Variants in ATG9B observed in about 807,000 individuals in gnomAD.
The protein encoded by ATG9B is autophagy-related protein 9B.
ATG9B carries 92 observed loss-of-function variants against 92.9 expected under a neutral mutation model. That is an observed-to-expected ratio of 0.99 (90% confidence interval 0.84 to 1.18). The LOEUF is 1.18. Ranked by LOEUF, ATG9B falls within the 50% of genes most tolerant of loss-of-function variation. ATG9B has a pLI of 0.00. For missense variants in ATG9B, 1,344 were observed against 1,235.0 expected, an observed-to-expected ratio of 1.09 and a Z score of -1.32; for synonymous variants, 599 against 551.4, an observed-to-expected ratio of 1.09 and a Z score of -1.21.
Position 151,021,174 on chromosome 7 carries a change from G to C in ATG9B, c.963+14C>G. On this transcript the variant is annotated intron_variant, in intron 5 of 13. Transcript: ENST00000639579. ...TCACGGCACCCTCTGCACAGACACA[G>C]CCACCCAGCTCACCGGGGGGATGTG... 6.2e-7 allele frequency: 1 copy of C among 1,612,892 alleles called. No homozygotes were observed. The highest frequency in any genetic ancestry group is 1.1e-5 in the South Asian group (1 of 91,050).
At position 151,019,205 on chromosome 7, in the gene ATG9B, G is replaced by A. The variant is rs745654290; in HGVS notation, c.1133C>T (p.Pro378Leu). 2.6e-6 allele frequency: 4 copies of A among 1,539,118 alleles called. No individual in the cohort carries two copies. The highest frequency in any genetic ancestry group is 2.0e-5 in the Admixed American group (1 of 51,132). Residue 378 changes from proline to leucine, a missense_variant, in exon 6 of 14, where the codon CCG (proline) becomes CTG (leucine). By Grantham distance (98) the Pro-to-Leu change is moderately conservative. Transcript: ENST00000639579. Reference sequence around the variant, plus strand: ...TCCCCAGGGCAGCGGGCAGCGGGCCGGCAGCAGGCCTTTGTTGGCCAGCGC... The same window carrying A: ...TCCCCAGGGCAGCGGGCAGCGGGCCAGCAGCAGGCCTTTGTTGGCCAGCGC... ...QVALANKGLL[P>L]ARCPLPWGGS...
Position 151,019,204 on chromosome 7 carries a change from C to T in ATG9B, c.1134G>A (p.Pro378=), listed in dbSNP as rs957081320. 6 of 1,538,670 alleles carry T rather than the reference C, an allele frequency of 3.9e-6. No homozygotes were observed. The African/African-American group carries it at 4.1e-5, about 11-fold the overall frequency. ...CTCCCCAGGGCAGCGGGCAGCGGGC[C>T]GGCAGCAGGCCTTTGTTGGCCAGCG... The part of the protein sequence containing the change: ...QVALANKGLL[P]ARCPLPWGGS... The change falls in exon 6 of 14, where the codon CCG becomes CCA. Residue 378 remains proline, a synonymous_variant. Coordinates refer to ENST00000639579, the MANE Select transcript of ATG9B (RefSeq NM_001317056.2).
Position 151,018,316 on chromosome 7 carries a change from G to A in ATG9B, c.1850C>T (p.Ala617Val), listed in dbSNP as rs771973527. 14 of 1,580,806 alleles carry A rather than the reference G, an allele frequency of 8.9e-6. No individual in the cohort carries two copies. The Admixed American group carries it at 2.2e-4, about 24-fold the overall frequency. Residue 617 changes from alanine to valine, a missense_variant, in exon 7 of 14, where the codon GCG (alanine) becomes GTG (valine). Transcript: ENST00000639579. This position sits in a 1 kb window ranked among gnomAD's most constrained non-coding sequence, Gnocchi z 4.7. ...GGRDRAYRQMAQLLQYRAVSL... is the reference protein window; with the variant it reads ...GGRDRAYRQMVQLLQYRAVSL... Reference sequence around the variant, plus strand: ...CACCGCTCGGTACTGCAGCAGCTGCGCCATCTGCCGGTAGGCGCGGTCCCT... The same window carrying A: ...CACCGCTCGGTACTGCAGCAGCTGCACCATCTGCCGGTAGGCGCGGTCCCT...
At chr7:151,013,678 C>G (rs933657053), downstream of ATG9B, 32 of 1,451,742 alleles carry the variant, frequency 2.2e-5, no homozygotes, top group Non-Finnish European at 3.0e-5. Context: ...GCTGCGCCCC[C>G]GCGCCCACCC....
intron 4 of ATG9B, among the ~76,000 whole-genome samples, chr7:151,022,618 G>T (rs982237380): frequency 1.3e-5 from 2 of 151,928 alleles, no homozygotes; most frequent in Non-Finnish European, 2.9e-5. Flanking sequence ...GGAGGCCAAA[G>T]TGGGTGGATC....
At chr7:151,013,990 T>C (rs768570535), downstream of ATG9B, 44 of 1,610,884 alleles carry the variant, frequency 2.7e-5, no homozygotes, top group Non-Finnish European at 3.1e-5. Context: ...TCTGATCCAC[T>C]GTGCTCTTTT....
chr7:151,019,660 G>A (rs1052128124), intron 5 of ATG9B, among the ~76,000 whole-genome samples: 1 of 152,164 alleles, frequency 6.6e-6, no homozygotes, highest in Non-Finnish European at 1.5e-5. Flanking sequence ...TCCTGGGGAC[G>A]CCTCCAGGTG....
chr7:151,021,421 G>A (rs567899797), intron 4 of ATG9B, 92 bp from the exon 5 acceptor site: 540 of 1,462,228 alleles, frequency 3.7e-4, no homozygotes, highest in Non-Finnish European at 4.7e-4. Flanking sequence ...ACCATCATGA[G>A]GAGGGGGATC....
At chr7:151,013,729 C>T (rs138104564), downstream of ATG9B, 110 of 1,603,036 alleles carry the variant, frequency 6.9e-5, no homozygotes, top group East Asian at 7.4e-4. Context: ...CGCAGACCTA[C>T]GTGCAGGACA....
chr7:151,019,504 A>G (rs891015801), intron 5 of ATG9B, 130 bp from the exon 6 acceptor site: 1 of 1,235,740 alleles, frequency 8.1e-7, no homozygotes, highest in Non-Finnish European at 1.1e-6. Context: ...CGCCATGACC[A>G]AGCTACATCG....
chr7:151,018,245 GAC>G lies in ATG9B; in HGVS notation c.1872+47_1872+48del. ...TCCGCGCAGACAGACCCTCCGCGCA[GAC>G]AGACCCCACAACTTCCTCCTCAGCC... On this transcript the variant is annotated intron_variant, in intron 7 of 13. Coordinates refer to ENST00000639579, the MANE Select transcript of ATG9B (RefSeq NM_001317056.2). This position sits in a 1 kb window ranked among gnomAD's most constrained non-coding sequence, Gnocchi z 4.7. 1 of 1,509,640 alleles carries G rather than the reference GAC, an allele frequency of 6.6e-7. No individual in the cohort carries two copies. 93.5% of individuals were successfully genotyped at this position (1,509,640 alleles called of 1,614,324 possible).
At chr7:151,019,459 T>G in intron 5 of ATG9B, 85 bp from the exon 6 acceptor site, 1 of 1,451,460 alleles carries the variant, frequency 6.9e-7, no homozygotes, top group Non-Finnish European at 9.0e-7. Context: ...GTGTGCGGCC[T>G]GAAAACCCGC....
chr7:151,013,429 G>A, downstream of ATG9B: 9 of 1,567,370 alleles, frequency 5.7e-6, no homozygotes, highest in Non-Finnish European at 7.8e-6. Context: ...GGAGAGAGGG[G>A]AGGACTCGCG....
Position 151,018,915 on chromosome 7 carries a change from C to T in ATG9B, c.1423G>A (p.Ala475Thr), listed in dbSNP as rs1795635044. The stretch of plus-strand genomic sequence containing the variant: ...CGGGACCAGCCGCGCGCCCCCAGCG[C>T]GCCAGGCTCGCGCCGCAGCAGCTCC... ...HVELLRREPG[A>T]LGARGWSRLA... is the part of the protein sequence containing the mutation. The change falls in exon 6 of 14, where the codon GCG (alanine) becomes ACG (threonine). Residue 475 changes from alanine (A) to threonine (T), a missense_variant. Transcript: ENST00000639579. This position sits in a 1 kb window ranked among gnomAD's most constrained non-coding sequence, Gnocchi z 4.7. 1 of 1,507,732 alleles carries T rather than the reference C, an allele frequency of 6.6e-7. No individual in the cohort carries two copies. Among genetic ancestry groups the T allele is most frequent in the Non-Finnish European group, 8.8e-7 (1 of 1,136,570 alleles). 93.4% of individuals were successfully genotyped at this position (1,507,732 alleles called of 1,614,324 possible). A position where few individuals can be genotyped will look rare whatever the true frequency, so the allele number is the denominator to read the frequency against.
At chr7:151,017,659 G>T (rs1077872) in intron 8 of ATG9B, among the ~76,000 whole-genome samples, 5 of 152,058 alleles carry the variant, frequency 3.3e-5, no homozygotes, top group African/African-American at 1.2e-4. Context: ...TAATCTGTGT[G>T]TTCACAAGCC....
chr7:151,013,930 C>G, downstream of ATG9B: 1 of 1,596,892 alleles, frequency 6.3e-7, no homozygotes, highest in Non-Finnish European at 8.5e-7. Context: ...TGCGGAGGGG[C>G]GGGCCGGGCC....
At chr7:151,013,784 C>T, downstream of ATG9B, 6 of 1,611,578 alleles carry the variant, frequency 3.7e-6, no homozygotes, top group Non-Finnish European at 5.1e-6. Context: ...CGTGCTGTGC[C>T]TCGAGCGGGG....
At position 151,018,254 on chromosome 7, in the gene ATG9B, C is replaced by T. The variant is rs1795588480; in HGVS notation, c.1872+40G>A. 1 of 1,514,624 alleles carries T rather than the reference C, an allele frequency of 6.6e-7. No individual in the cohort carries two copies. The highest frequency in any genetic ancestry group is 8.8e-7 in the Non-Finnish European group (1 of 1,141,148). The allele number at this position is 1,514,624 out of a possible 1,614,324, so 93.8% of individuals were successfully genotyped here. On this transcript the variant is annotated intron_variant, in intron 7 of 13. Transcript: ENST00000639579. This position sits in a 1 kb window ranked among gnomAD's most constrained non-coding sequence, Gnocchi z 4.7. ...ACAGACCCTCCGCGCAGACAGACCC[C>T]ACAACTTCCTCCTCAGCCCGCCGTC...
At chr7:151,013,996 C>T (rs1170349557), downstream of ATG9B, 1 of 1,611,544 alleles carries the variant, frequency 6.2e-7, no homozygotes, top group Non-Finnish European at 8.5e-7. Context: ...CCACTGTGCT[C>T]TTTTCCGACA....
Sources: gnomAD v4.1 joint callset for allele counts (sites outside exome capture counted in the v4.1 genomes callset) on GRCh38, gnomAD v4.1.1 for gene constraint, Gnocchi (gnomAD v3.1) non-coding constraint, MANE v1.5 for transcripts, NCBI Gene and HGNC (gene_info 2026-07-23, HGNC 2026-07-21) for gene names.